NOL7: variants seen among roughly 807,000 people sequenced by gnomAD.
NOL7 encodes the protein U3 small nucleolar RNA-associated protein NOL7.
A neutral mutation model predicts 38.4 loss-of-function variants in NOL7; 36 were observed. The observed-to-expected ratio is 0.94, with a 90% CI of 0.72 to 1.24. NOL7 has a LOEUF of 1.24. Ranked by LOEUF, NOL7 falls within the 50% of genes most tolerant of loss-of-function variation. The probability of loss-of-function intolerance (pLI) is 0.00; values close to 1 mark genes in which losing one functional copy is unlikely to be tolerated. For synonymous variants in NOL7, 142 were observed against 126.5 expected, an observed-to-expected ratio of 1.12 and a Z score of -0.82; for missense variants, 350 against 315.1, an observed-to-expected ratio of 1.11 and a Z score of -0.84.
intron 8 of NOL7, among the ~76,000 whole-genome samples, chr6:13,628,115 A>C (rs1764672675): frequency 6.6e-6 from 1 of 152,208 alleles, no homozygotes; most frequent in Non-Finnish European, 1.5e-5. Context: ...TCCTTACAAT[A>C]ATCATCTAAA....
At chr6:13,619,970 C>T (rs1009616501) in intron 5 of NOL7, among the ~76,000 whole-genome samples, 1 of 152,164 alleles carries the variant, frequency 6.6e-6, no homozygotes, top group Non-Finnish European at 1.5e-5. Context: ...GCCTGGCCAA[C>T]ATGGTGAAAC....
chr6:13,618,494 G>T (rs959019036), intron 5 of NOL7, among the ~76,000 whole-genome samples: 11 of 151,924 alleles, frequency 7.2e-5, no homozygotes, highest in Non-Finnish European at 1.5e-4. Flanking sequence ...TGATCCACCC[G>T]CCTCGGCCTC....
At chr6:13,622,418 C>G, downstream of NOL7, 1 of 1,602,042 alleles carries the variant, frequency 6.2e-7, no homozygotes, top group South Asian at 1.1e-5. Flanking sequence ...CCTGATCGAG[C>G]CATCAGTCCT....
In NOL7 at chr6:13,615,593, G is replaced by A; in HGVS notation, c.235G>A (p.Glu79Lys). The A allele has an allele frequency of 6.3e-7, 1 of 1,583,958 alleles. No individual in the cohort carries two copies. The highest frequency in any genetic ancestry group is 8.6e-7 in the Non-Finnish European group (1 of 1,163,672). Residue 79 changes from glutamate to lysine, a missense_variant, in exon 1 of 8, where the codon GAG (glutamate) becomes AAG (lysine). Glu to Lys is a moderately conservative substitution (Grantham distance 56). Coordinates refer to ENST00000451315, the MANE Select transcript of NOL7 (RefSeq NM_016167.5). ...FASAQAEARE[E>K]ERRVRETVRR... ...CAGCGCCCAGGCGGAAGCGAGAGAA[G>A]AGGAGCGGCGAGTGCGGGAGACCGT...
At chr6:13,622,648 C>T (rs1217948084), downstream of NOL7, among the ~76,000 whole-genome samples, 2 of 148,684 alleles carry the variant, frequency 1.3e-5, no homozygotes, top group Non-Finnish European at 2.9e-5. Flanking sequence ...AGACAGATGC[C>T]GCCTTGGACA....
rs35401168 is a variant in NOL7 at position 13,627,630 on chromosome 6, CAAAA to C, written n.574-4742_574-4739del. Reference sequence around the variant, plus strand: ...GGACGACAGAGAGAGACTCCATCTCCAAAAAAAAAAAAAAAAAAAAAAAATCACG... The same window carrying C: ...GGACGACAGAGAGAGACTCCATCTCCAAAAAAAAAAAAAAAAAAAATCACG... On this transcript the variant is annotated intron_variant and non_coding_transcript_variant, in intron 8 of 8. Coordinates refer to the NOL7 transcript ENST00000474485. Among the ~76,000 whole-genome samples the C allele has an allele frequency of 3.9e-4, 26 of 66,402 alleles. No individual in the cohort carries two copies. In the East Asian group the frequency reaches 4.5e-3, roughly 12 times the overall value. 43.6% of individuals were successfully genotyped at this position (66,402 alleles called of 152,430 possible). A position where few individuals can be genotyped will look rare whatever the true frequency, so the allele number is the denominator to read the frequency against.
chr6:13,630,993 T>G (rs1012268777), intron 8 of NOL7, among the ~76,000 whole-genome samples: 5 of 152,088 alleles, frequency 3.3e-5, no homozygotes, highest in Non-Finnish European at 7.4e-5. Flanking sequence ...GTATTTTTAG[T>G]AGAGACGGGG....
At chr6:13,619,015 C>G (rs1293575377) in intron 5 of NOL7, among the ~76,000 whole-genome samples, 1 of 152,170 alleles carries the variant, frequency 6.6e-6, no homozygotes, top group African/African-American at 2.4e-5. Flanking sequence ...TTCATTTCAC[C>G]TCTCCCAATA....
chr6:13,623,657 CT>C (rs1477019717), downstream of NOL7, among the ~76,000 whole-genome samples: 1 of 152,034 alleles, frequency 6.6e-6, no homozygotes, highest in Non-Finnish European at 1.5e-5. Flanking sequence ...GCATCTTTAA[CT>C]TTTTTGGATG....
chr6:13,627,940 T>C (rs551656284), intron 8 of NOL7, among the ~76,000 whole-genome samples: 42 of 152,114 alleles, frequency 2.8e-4, no homozygotes, highest in African/African-American at 1.0e-3. Context: ...GTAACAAACC[T>C]GCACATCCTG....
At chr6:13,629,870 CTCAA>C (rs1312639882) in intron 8 of NOL7, among the ~76,000 whole-genome samples, 1 of 150,756 alleles carries the variant, frequency 6.6e-6, no homozygotes, top group Non-Finnish European at 1.5e-5. Flanking sequence ...AATCAAATCT[CTCAA>C]TCTCTCTCTC....
intron 3 of NOL7, among the ~76,000 whole-genome samples, chr6:13,617,023 A>AT (rs997142468): frequency 1.7e-4 from 26 of 149,008 alleles, no homozygotes; most frequent in Admixed American, 8.7e-4. Flanking sequence ...AGCCTTCTAA[A>AT]TTTTTTTTTT....
chr6:13,620,591 A>AT, intron 7 of NOL7, 106 bp downstream of exon 7: 1 of 1,175,882 alleles, frequency 8.5e-7, no homozygotes, highest in South Asian at 1.3e-5. Flanking sequence ...ATAATGGCTT[A>AT]TATATTAAGT....
At chr6:13,618,031 A>T (rs1169216333) in intron 4 of NOL7, 27 bp from the exon 5 acceptor site, 1 of 1,290,080 alleles carries the variant, frequency 7.8e-7, no homozygotes, top group Non-Finnish European at 1.1e-6. Flanking sequence ...GTGAATGCTA[A>T]TTAGAAAATG....
rs1195367251 is a variant in NOL7, at chr6:13,629,074, T to C, written n.574-3319T>C. The stretch of plus-strand genomic sequence containing the variant: ...GGAAAAATCCAACAACAGAGCAATG[T>C]TGAAATAAACCTATACAGCAACAAT... On this transcript the variant is annotated intron_variant and non_coding_transcript_variant, in intron 8 of 8. Coordinates refer to the NOL7 transcript ENST00000474485. 3.9e-5 allele frequency among the ~76,000 whole-genome samples: 6 copies of C among 152,316 alleles called. No individual in the cohort carries two copies. In the South Asian group the frequency reaches 6.2e-4, roughly 16 times the overall value.
chr6:13,628,156 A>G (rs1173053067), intron 8 of NOL7, among the ~76,000 whole-genome samples: 1 of 152,256 alleles, frequency 6.6e-6, no homozygotes, highest in Non-Finnish European at 1.5e-5. Flanking sequence ...CTAGAGAAGC[A>G]AACTGAGGCA....
Position 13,617,755 on chromosome 6 carries a change from GT to G in NOL7, c.387-7del, listed in dbSNP as rs201992657. 4 of 1,610,790 alleles carry G rather than the reference GT, an allele frequency of 2.5e-6. No homozygotes were observed. Among genetic ancestry groups the G allele is most frequent in the Non-Finnish European group, 1.7e-6 (2 of 1,177,430 alleles). On this transcript the variant is annotated splice_polypyrimidine_tract_variant and intron_variant, in intron 3 of 7. Transcript: ENST00000451315. Reference sequence around the variant, plus strand: ...TACTGCCATTGCAGTCAGTGGTTTTGTTTTTTTTCCTTAGCATCAAGAAATC... The same window carrying G: ...TACTGCCATTGCAGTCAGTGGTTTTGTTTTTTTCCTTAGCATCAAGAAATC...
intron 8 of NOL7, chr6:13,632,383 T>C (rs1377599608): frequency 1.2e-6 from 2 of 1,607,326 alleles, no homozygotes; most frequent in East Asian, 2.2e-5. Flanking sequence ...CAACATTTTT[T>C]TGTTTGCAGT....
intron 8 of NOL7, among the ~76,000 whole-genome samples, chr6:13,629,911 C>CG (rs1194069919): frequency 8.2e-4 from 102 of 125,066 alleles, no homozygotes; most frequent in Middle Eastern, 7.6e-3. Context: ...CTCTCTCTCT[C>CG]TCTCTCTCTC....
Sources: gnomAD v4.1 joint callset for allele counts (sites outside exome capture counted in the v4.1 genomes callset) on GRCh38, gnomAD v4.1.1 for gene constraint, MANE v1.5 for transcripts, NCBI Gene and HGNC (gene_info 2026-07-23, HGNC 2026-07-21) for gene names.